The following DNAH7 variants were observed in gnomAD, a reference collection of about 807,000 sequenced individuals.
DNAH7 encodes the protein dynein axonemal heavy chain 7.
DNAH7 carries 397 observed loss-of-function variants against 444.6 expected under a neutral mutation model. The observed-to-expected ratio is 0.89, with a 90% CI of 0.82 to 0.97. The LOEUF is 0.97. Ranked by LOEUF, DNAH7 falls within the 50% of genes least tolerant of loss-of-function variation. DNAH7 has a pLI of 0.00. For synonymous variants in DNAH7, 1,636 were observed against 1,624.4 expected (o/e 1.01, Z -0.17); for missense variants, 4,902 against 4,800.8 (o/e 1.02, Z -0.62).
Position 195,876,526 on chromosome 2 carries a change from T to C in DNAH7, c.6117+18A>G. 1.2e-6 allele frequency: 2 copies of C among 1,611,624 alleles called. No individual in the cohort carries two copies. Among genetic ancestry groups the C allele is most frequent in the African/African-American group, 1.3e-5 (1 of 74,938 alleles). On this transcript the variant is annotated intron_variant, in intron 37 of 64. Transcript: ENST00000312428. ...AATGTATATGAATAGGCCCGGGTAC[T>C]GTACAAAGAGTCATTACCATTCTCT...
In DNAH7 at chr2:195,824,337, G is replaced by T; in HGVS notation, c.9209C>A (p.Thr3070Lys). The T allele has an allele frequency of 6.2e-7, 1 of 1,613,890 alleles. No individual in the cohort carries two copies. Residue 3070 changes from threonine to lysine, a missense_variant, in exon 49 of 65, where the codon ACA (threonine) becomes AAA (lysine). Thr to Lys is a moderately conservative substitution (Grantham distance 78). Transcript: ENST00000312428. ...GSTCIRLGDS[T>K]IEYAPDFRFY... Reference sequence around the variant, plus strand: ...GCGGAAGTCAGGTGCATATTCAATTGTGGAGTCCCCAAGCCGGATACATGT... The same window carrying T: ...GCGGAAGTCAGGTGCATATTCAATTTTGGAGTCCCCAAGCCGGATACATGT...
At position 195,936,785 on chromosome 2, in the gene DNAH7, T is replaced by C. The variant is rs1356673504; in HGVS notation, c.3086A>G (p.His1029Arg). Residue 1029 changes from histidine (H) to arginine (R), a missense_variant, in exon 20 of 65, where the codon CAT (histidine) becomes CGT (arginine). Physicochemically the swap from His to Arg is conservative, Grantham distance 29. Transcript: ENST00000312428. ...GTCAATGGTTACAACTGTCAGAACATGTTTATCCTAAAAATAAAAATAAAA... is the reference window on the plus strand; with the variant it reads ...GTCAATGGTTACAACTGTCAGAACACGTTTATCCTAAAAATAAAAATAAAA... Reference protein sequence around the residue: ...DIMRSVMQDKHVLTVVTIDRM... With the variant: ...DIMRSVMQDKRVLTVVTIDRM... 3 of 1,499,536 alleles carry C rather than the reference T, an allele frequency of 2.0e-6. No individual in the cohort carries two copies. The South Asian group carries it at 4.4e-5, about 22-fold the overall frequency. 92.9% of individuals were successfully genotyped at this position (1,499,536 alleles called of 1,614,324 possible). A position where few individuals can be genotyped will look rare whatever the true frequency, so the allele number is the denominator to read the frequency against.
At chr2:195,848,348 G>A (rs928960920) in intron 46 of DNAH7, among the ~76,000 whole-genome samples, 4 of 152,224 alleles carry the variant, frequency 2.6e-5, no homozygotes, top group African/African-American at 9.6e-5. Flanking sequence ...GCCAGGTTAT[G>A]CATCTTTGGC....
chr2:195,740,903 T>G (rs1281365542), intron 63 of DNAH7, 34 bp from the exon 64 acceptor site: 1 of 1,318,114 alleles, frequency 7.6e-7, no homozygotes, highest in Non-Finnish European at 1.0e-6. Context: ...ATATAACACT[T>G]GAAATATGCA....
chr2:195,783,062 A>G (rs1383330974), intron 58 of DNAH7, among the ~76,000 whole-genome samples: 1 of 152,118 alleles, frequency 6.6e-6, no homozygotes, highest in African/African-American at 2.4e-5. Context: ...ATACCTATTA[A>G]TGCCTGGTTC....
chr2:195,956,362 T>C (rs1690653553), intron 19 of DNAH7, among the ~76,000 whole-genome samples: 1 of 152,180 alleles, frequency 6.6e-6, no homozygotes. Flanking sequence ...AGTGAATAAA[T>C]GTATTCTGCC....
chr2:195,967,218 G>C (rs1481022643), intron 17 of DNAH7, among the ~76,000 whole-genome samples: 1 of 151,246 alleles, frequency 6.6e-6, no homozygotes, highest in Non-Finnish European at 1.5e-5. Flanking sequence ...GCATAAATAA[G>C]CAAAAAGGAG....
chr2:195,747,866 C>A (rs904076125), intron 63 of DNAH7, among the ~76,000 whole-genome samples: 12 of 152,150 alleles, frequency 7.9e-5, no homozygotes, highest in Admixed American at 2.0e-4. Context: ...ATGACAAACC[C>A]ACAGCCAATA....
intron 15 of DNAH7, among the ~76,000 whole-genome samples, chr2:195,976,747 C>CAGAGGGAG: frequency 1.1e-5 from 1 of 90,620 alleles, no homozygotes; most frequent in African/African-American, 3.6e-5. Flanking sequence ...GAGAGGCAGA[C>CAGAGGGAG]AGAGAGAGAG....
intron 10 of DNAH7, among the ~76,000 whole-genome samples, chr2:196,005,445 AC>A (rs1163985692): frequency 5.3e-5 from 8 of 152,040 alleles, no homozygotes; most frequent in Non-Finnish European, 1.0e-4. Context: ...AAACAGATCA[AC>A]AAAACTCATG....
intron 17 of DNAH7, among the ~76,000 whole-genome samples, chr2:195,962,114 TGAGAA>T (rs907348717): frequency 2.0e-5 from 3 of 152,270 alleles, no homozygotes; most frequent in South Asian, 2.1e-4. Context: ...TATGGACAGT[TGAGAA>T]GAGAACTGAA....
chr2:195,875,555 C>T (rs1700999618), intron 38 of DNAH7, 120 bp downstream of exon 38: 2 of 933,478 alleles, frequency 2.1e-6, no homozygotes, highest in Non-Finnish European at 3.2e-6. Context: ...ACAATAGATA[C>T]ACATAGAAAA....
At chr2:195,751,808 A>C (rs1392933752) in intron 63 of DNAH7, among the ~76,000 whole-genome samples, 1 of 152,170 alleles carries the variant, frequency 6.6e-6, no homozygotes, top group African/African-American at 2.4e-5. Context: ...TTCAAACCAC[A>C]AAGGGAAAAA....
At chr2:195,994,438 G>A in intron 12 of DNAH7, 1 of 590,746 alleles carries the variant, frequency 1.7e-6, no homozygotes, top group Non-Finnish European at 3.1e-6. Context: ...AAGTTGGCTG[G>A]GGAGGCCAAG....
intron 63 of DNAH7, among the ~76,000 whole-genome samples, chr2:195,743,513 C>T (rs1559064885): frequency 1.3e-5 from 2 of 152,156 alleles, no homozygotes; most frequent in East Asian, 3.9e-4. Flanking sequence ...GTTATGAGGC[C>T]CAGACCCTAG....
At chr2:195,925,030 A>C (rs1434947254) in intron 22 of DNAH7, among the ~76,000 whole-genome samples, 1 of 152,208 alleles carries the variant, frequency 6.6e-6, no homozygotes, top group Non-Finnish European at 1.5e-5. Context: ...TGAAACTAAA[A>C]GTGAGGGTTC....
intron 12 of DNAH7, among the ~76,000 whole-genome samples, chr2:195,997,578 G>C (rs1172657204): frequency 3.3e-5 from 5 of 152,052 alleles, no homozygotes; most frequent in Admixed American, 3.3e-4. Context: ...TTTTGTATGA[G>C]ACACCTCCAG....
chr2:195,964,274 T>C (rs1251259152), intron 17 of DNAH7, among the ~76,000 whole-genome samples: 3 of 152,224 alleles, frequency 2.0e-5, no homozygotes, highest in South Asian at 4.1e-4. Context: ...TTCAAATCCA[T>C]GAACATGGAA....
At chr2:195,945,961 G>A (rs1574846730) in intron 19 of DNAH7, among the ~76,000 whole-genome samples, 1 of 152,114 alleles carries the variant, frequency 6.6e-6, no homozygotes, top group South Asian at 2.1e-4. Flanking sequence ...TCAAGAAGGG[G>A]GGCCCAAGAG....
Sources: gnomAD v4.1 joint callset for allele counts (sites outside exome capture counted in the v4.1 genomes callset) on GRCh38, gnomAD v4.1.1 for gene constraint, MANE v1.5 for transcripts, NCBI Gene and HGNC (gene_info 2026-07-23, HGNC 2026-07-21) for gene names.